Variants in BANK1 observed in about 807,000 individuals in gnomAD.
BANK1 encodes B-cell scaffold protein with ankyrin repeats.
Under a neutral mutation model 94.5 loss-of-function variants are expected in BANK1, and 95 were observed. That is an observed-to-expected ratio of 1.00 (90% confidence interval 0.85 to 1.19). BANK1 has a LOEUF of 1.19. Among genes scored for constraint, BANK1 ranks in the 50% most tolerant of loss-of-function variants. BANK1 has a pLI of 0.00. For synonymous variants in BANK1, 334 were observed against 308.4 expected (o/e 1.08, Z -0.87); for missense variants, 987 against 932.2 (o/e 1.06, Z -0.77).
intron 1 of BANK1, among the ~76,000 whole-genome samples, chr4:101,818,549 T>G (rs1214002954): frequency 6.6e-6 from 1 of 152,140 alleles, no homozygotes; most frequent in Non-Finnish European, 1.5e-5. Context: ...GTAGTCCCCC[T>G]TCTCTGTGGT....
intron 7 of BANK1, among the ~76,000 whole-genome samples, chr4:101,975,780 C>CA (rs1423958655): frequency 6.6e-6 from 1 of 152,026 alleles, no homozygotes; most frequent in African/African-American, 2.4e-5. Context: ...GTAATGAGCA[C>CA]AGATCAAGGA....
At position 101,975,398 on chromosome 4, in the gene BANK1, T is replaced by C. The variant is rs76015686; in HGVS notation, c.1207-46116T>C. Among the ~76,000 whole-genome samples the C allele has an allele frequency of 4.7e-3, 711 of 152,304 alleles. 13 individuals are homozygous for C. The East Asian group carries it at 0.056, about 12-fold the overall frequency. On this transcript the variant is annotated intron_variant, in intron 7 of 16. Coordinates refer to ENST00000322953, the MANE Select transcript of BANK1 (RefSeq NM_017935.5). ...TATGCCCATCATAAAGGCTTACTGC[T>C]TTTTATATTTCCTCTGGTCTTGAAG...
chr4:101,986,899 G>GTATATATATATA lies in BANK1; in HGVS notation c.1207-34594_1207-34583dup, dbSNP rs1166018412. On this transcript the variant is annotated intron_variant, in intron 7 of 16. Coordinates refer to ENST00000322953, the MANE Select transcript of BANK1 (RefSeq NM_017935.5). ...TGTGTGTGTGTGTGTGTGTGTGTGT[G>GTATATATATATA]TATATATATATATATATATATATAT... 9.8e-3 allele frequency among the ~76,000 whole-genome samples: 807 copies of GTATATATATATA among 82,632 alleles called. 85 individuals carry two copies. The highest frequency in any genetic ancestry group is 0.035 in the African/African-American group (547 of 15,536). The allele number at this position is 82,632 out of a possible 152,430, so 54.2% of individuals were successfully genotyped here.
chr4:101,853,024 T>C (rs904138211), intron 2 of BANK1, among the ~76,000 whole-genome samples: 10 of 152,118 alleles, frequency 6.6e-5, no homozygotes, highest in Non-Finnish European at 1.0e-4. Flanking sequence ...TTTCACTGTT[T>C]TGATTTGTGT....
At chr4:102,007,131 TATAA>T (rs1161147431) in intron 7 of BANK1, among the ~76,000 whole-genome samples, 1 of 59,122 alleles carries the variant, frequency 1.7e-5, no homozygotes, top group Non-Finnish European at 3.1e-5. Context: ...TTTATATATA[TATAA>T]AAAATATATT....
At chr4:101,803,131 A>C (rs1725412192) in intron 1 of BANK1, among the ~76,000 whole-genome samples, 1 of 152,228 alleles carries the variant, frequency 6.6e-6, no homozygotes, top group Non-Finnish European at 1.5e-5. Context: ...TTGATAGAGA[A>C]ATAAGTTCTT....
chr4:101,822,133 T>G (rs1385623471), intron 1 of BANK1, among the ~76,000 whole-genome samples: 1 of 152,032 alleles, frequency 6.6e-6, no homozygotes, highest in African/African-American at 2.4e-5. Context: ...GGTGGGTGGA[T>G]CACTTGAGCC....
intron 7 of BANK1, among the ~76,000 whole-genome samples, chr4:101,970,653 A>AAT (rs1724922261): frequency 2.0e-5 from 3 of 152,068 alleles, no homozygotes; most frequent in Non-Finnish European, 4.4e-5. Flanking sequence ...AAAATGAGAA[A>AAT]GGCTGCAGTG....
chr4:101,890,571 T>C (rs1721826894), intron 5 of BANK1, among the ~76,000 whole-genome samples: 1 of 148,662 alleles, frequency 6.7e-6, no homozygotes, highest in South Asian at 2.1e-4. Flanking sequence ...TATTAAAGTA[T>C]AATTTTATTT....
At chr4:101,878,025 A>G (rs757386056) in intron 5 of BANK1, among the ~76,000 whole-genome samples, 9 of 152,230 alleles carry the variant, frequency 5.9e-5, no homozygotes, top group Non-Finnish European at 1.2e-4. Context: ...AGGAAGAGAG[A>G]CAAAAAGAAA....
chr4:101,911,744 T>G (rs1431193537), intron 6 of BANK1, among the ~76,000 whole-genome samples: 1 of 152,156 alleles, frequency 6.6e-6, no homozygotes, highest in East Asian at 1.9e-4. Flanking sequence ...TCATTTTATT[T>G]TGTTCTTCTT....
chr4:101,840,666 A>G (rs149253966), intron 2 of BANK1, among the ~76,000 whole-genome samples: 1 of 152,306 alleles, frequency 6.6e-6, no homozygotes, highest in East Asian at 1.9e-4. Flanking sequence ...TCTATAATCT[A>G]TAGAAACAAT....
At chr4:101,818,872 ATTTT>A (rs70964193) in intron 1 of BANK1, among the ~76,000 whole-genome samples, 1 of 136,154 alleles carries the variant, frequency 7.3e-6, no homozygotes, top group Admixed American at 7.4e-5. Flanking sequence ...AGATTACTGT[ATTTT>A]TTTTTTTTTT....
chr4:102,074,617 A>G lies in BANK1; in HGVS notation c.*618A>G, dbSNP rs1189518703. On this transcript the variant is annotated 3_prime_UTR_variant, in exon 17 of 17. Transcript: ENST00000322953. ...TTTCATAACCTACCTTTGTATTAAG[A>G]CTTGCAATTTTATCAATCTATTATT... 6.6e-6 allele frequency: 1 copy of G among 152,054 alleles called. No individual in the cohort carries two copies. The highest frequency in any genetic ancestry group is 2.1e-4 in the South Asian group (1 of 4,830). The allele number at this position is 152,054 out of a possible 1,614,324, so 9.4% of individuals were successfully genotyped here. A position where few individuals can be genotyped will look rare whatever the true frequency, so the allele number is the denominator to read the frequency against.
chr4:102,043,964 T>A, intron 11 of BANK1, 57 bp downstream of exon 11: 1 of 1,072,210 alleles, frequency 9.3e-7, no homozygotes, highest in Non-Finnish European at 1.4e-6. Flanking sequence ...TCAAGAAATC[T>A]TATGAATACA....
intron 1 of BANK1, among the ~76,000 whole-genome samples, chr4:101,799,263 G>A (rs1346277495): frequency 6.6e-6 from 1 of 152,164 alleles, no homozygotes; most frequent in East Asian, 1.9e-4. Context: ...TCAAAGATGA[G>A]ATGGTTATAG....
At chr4:101,854,397 CTTCT>C (rs1471634664) in intron 2 of BANK1, among the ~76,000 whole-genome samples, 2 of 152,070 alleles carry the variant, frequency 1.3e-5, no homozygotes, top group African/African-American at 2.4e-5. Context: ...TGCTATGCTG[CTTCT>C]TTGAGATTCA....
intron 10 of BANK1, among the ~76,000 whole-genome samples, chr4:102,036,044 T>G (rs1172839627): frequency 6.6e-6 from 1 of 152,208 alleles, no homozygotes; most frequent in Non-Finnish European, 1.5e-5. Context: ...GGGTAAAATT[T>G]TTCAGCATCA....
intron 7 of BANK1, among the ~76,000 whole-genome samples, chr4:101,971,907 G>A (rs1043581707): frequency 1.3e-5 from 2 of 152,040 alleles, no homozygotes; most frequent in Admixed American, 6.6e-5. Context: ...ATAATTTGAA[G>A]TCAGGTAGTG....
Sources: gnomAD v4.1 joint callset for allele counts (sites outside exome capture counted in the v4.1 genomes callset) on GRCh38, gnomAD v4.1.1 for gene constraint, MANE v1.5 for transcripts, NCBI Gene and HGNC (gene_info 2026-07-23, HGNC 2026-07-21) for gene names.